MYT1L: variants seen among roughly 807,000 people sequenced by gnomAD.
MYT1L encodes myelin transcription factor 1-like protein.
Under a neutral mutation model 126.7 loss-of-function variants are expected in MYT1L, and 12 were observed. The observed-to-expected ratio is 0.09, with a 90% CI of 0.06 to 0.15. The LOEUF is 0.15. MYT1L is among the 10% of genes least tolerant of loss of function. MYT1L has a pLI of 1.00. For missense variants in MYT1L, 979 were observed against 1,585.2 expected, an observed-to-expected ratio of 0.62 and a Z score of 6.49; for synonymous variants, 541 against 604.2, an observed-to-expected ratio of 0.90 and a Z score of 1.53.
intron 5 of MYT1L, among the ~76,000 whole-genome samples, chr2:1,993,754 T>A (rs2061614414): frequency 1.3e-5 from 2 of 152,226 alleles, no homozygotes; most frequent in African/African-American, 4.8e-5. Context: ...CCCTTTTTAG[T>A]AACATGTGAT....
At chr2:1,934,854 T>G (rs2055631728) in intron 9 of MYT1L, among the ~76,000 whole-genome samples, 1 of 152,070 alleles carries the variant, frequency 6.6e-6, no homozygotes, top group South Asian at 2.1e-4. Flanking sequence ...TTGTCAGTGC[T>G]CGGAACCCGG....
At chr2:2,173,955 T>A (rs1158263739) in intron 2 of MYT1L, among the ~76,000 whole-genome samples, 1 of 152,146 alleles carries the variant, frequency 6.6e-6, no homozygotes, top group Non-Finnish European at 1.5e-5. Flanking sequence ...GAACTTGAAA[T>A]AAGATAACAC....
In MYT1L at chr2:2,159,271, A is replaced by G. The variant is rs17039357; in HGVS notation, c.-304+13601T>C. 8.0e-3 allele frequency among the ~76,000 whole-genome samples: 1,223 copies of G among 152,232 alleles called. 14 individuals are homozygous for G. Among genetic ancestry groups the G allele is most frequent in the African/African-American group, 0.028 (1,172 of 41,530 alleles). On this transcript the variant is annotated intron_variant, in intron 3 of 24. Coordinates refer to ENST00000647738, the MANE Select transcript of MYT1L (RefSeq NM_001303052.2). ...TTATTGAGTCCACATGGGAATCGCT[A>G]ACTTGGAAATGGGGTCAAGGGTCCA...
intron 3 of MYT1L, among the ~76,000 whole-genome samples, chr2:2,143,548 T>G (rs1236093906): frequency 6.6e-6 from 1 of 152,088 alleles, no homozygotes; most frequent in East Asian, 1.9e-4. Flanking sequence ...CACGTACCAC[T>G]GAGCCTTTGT....
At chr2:1,933,435 G>A (rs1573709034) in intron 9 of MYT1L, among the ~76,000 whole-genome samples, 1 of 152,200 alleles carries the variant, frequency 6.6e-6, no homozygotes, top group Non-Finnish European at 1.5e-5. Context: ...TTGGCTTCAA[G>A]TTGTTAATGT....
At chr2:2,183,771 G>T (rs551838502) in intron 2 of MYT1L, among the ~76,000 whole-genome samples, 1 of 148,300 alleles carries the variant, frequency 6.7e-6, no homozygotes, top group South Asian at 2.1e-4. Flanking sequence ...AGGAGGGAGA[G>T]GAAGGAAGGA....
rs918460009 is a variant in MYT1L, at chr2:1,991,973, C to T, written c.-1+5218G>A. On this transcript the variant is annotated intron_variant, in intron 5 of 24. Coordinates refer to ENST00000647738, the MANE Select transcript of MYT1L (RefSeq NM_001303052.2). ...CTCTCCTGCTCCACAAAGAAGGATTCGAACTGGCGTTTTCAGCCCTAACCT... is the reference window on the plus strand; with the variant it reads ...CTCTCCTGCTCCACAAAGAAGGATTTGAACTGGCGTTTTCAGCCCTAACCT... Among the ~76,000 whole-genome samples the T allele has an allele frequency of 5.3e-5, 8 of 152,158 alleles. No homozygotes were observed. In the South Asian group the frequency reaches 1.2e-3, roughly 24 times the overall value.
rs970472033 is a variant in MYT1L, at chr2:2,262,931, T to TATATATATATATATATATAA, written c.-421+21472_-421+21473insTTATATATATATATATATAT. On this transcript the variant is annotated intron_variant, in intron 2 of 24. Coordinates refer to ENST00000647738, the MANE Select transcript of MYT1L (RefSeq NM_001303052.2). ...AGAGGCACAAATATATATATATATA[T>TATATATATATATATATATAA]AACCTGTGATATATATATATATATC... Among the ~76,000 whole-genome samples, 26 of 43,650 alleles carry TATATATATATATATATATAA rather than the reference T, an allele frequency of 6.0e-4. 3 individuals are homozygous for TATATATATATATATATATAA. Among genetic ancestry groups the TATATATATATATATATATAA allele is most frequent in the African/African-American group, 2.5e-3 (25 of 9,812 alleles). 28.6% of individuals were successfully genotyped at this position (43,650 alleles called of 152,430 possible). A position where few individuals can be genotyped will look rare whatever the true frequency, so the allele number is the denominator to read the frequency against.
At chr2:1,872,470 G>C (rs2046392836) in intron 18 of MYT1L, among the ~76,000 whole-genome samples, 2 of 152,182 alleles carry the variant, frequency 1.3e-5, no homozygotes, top group African/African-American at 4.8e-5. Flanking sequence ...TTGTGGGCTG[G>C]TCAACATTTT....
At chr2:1,994,069 T>C (rs139490231) in intron 5 of MYT1L, among the ~76,000 whole-genome samples, 1 of 152,256 alleles carries the variant, frequency 6.6e-6, no homozygotes, top group Non-Finnish European at 1.5e-5. Context: ...ATTGTTTTGT[T>C]GTTTTTCTAT....
Position 2,169,878 on chromosome 2 carries a change from G to A in MYT1L, c.-304+2994C>T, listed in dbSNP as rs559310876. Among the ~76,000 whole-genome samples, 19 of 152,304 alleles carry A rather than the reference G, an allele frequency of 1.2e-4. No individual in the cohort carries two copies. In the South Asian group the frequency reaches 3.7e-3, roughly 30 times the overall value. On this transcript the variant is annotated intron_variant, in intron 3 of 24. Transcript: ENST00000647738. ...TCCAGGCGTGGAAACACCCCTTCCA[G>A]TTGGATTTAGTTTGGTTTCACATCC...
intron 8 of MYT1L, among the ~76,000 whole-genome samples, chr2:1,956,441 C>T (rs62649811): frequency 0.062 from 2,267 of 36,350 alleles, 223 homozygotes; most frequent in African/African-American, 0.21. Flanking sequence ...TATCTATCTA[C>T]CTATCATCTA....
intron 8 of MYT1L, among the ~76,000 whole-genome samples, chr2:1,950,201 C>T (rs1002378375): frequency 4.6e-5 from 7 of 151,962 alleles, no homozygotes; most frequent in Non-Finnish European, 4.4e-5. Context: ...TTGCAAACCC[C>T]TTCTCCATGT....
At chr2:1,989,370 C>T (rs1353212118) in intron 5 of MYT1L, among the ~76,000 whole-genome samples, 1 of 152,060 alleles carries the variant, frequency 6.6e-6, no homozygotes, top group African/African-American at 2.4e-5. Flanking sequence ...CTCTGCATGC[C>T]AGGAGAAACC....
In MYT1L at chr2:2,270,231, C is replaced by A. The variant is rs2095235365; in HGVS notation, c.-421+14173G>T. Among the ~76,000 whole-genome samples, 10 of 152,220 alleles carry A rather than the reference C, an allele frequency of 6.6e-5. No homozygotes were observed. In the South Asian group the frequency reaches 2.1e-3, roughly 31 times the overall value. On this transcript the variant is annotated intron_variant, in intron 2 of 24. Transcript: ENST00000647738. Reference sequence around the variant, plus strand: ...AGGCACCTTAGTCTGGACTTCGGAGCCTCCAGAACTATGAGAATTGATGCC... The same window carrying A: ...AGGCACCTTAGTCTGGACTTCGGAGACTCCAGAACTATGAGAATTGATGCC...
chr2:2,188,758 G>A (rs1369495641), intron 2 of MYT1L, among the ~76,000 whole-genome samples: 1 of 152,184 alleles, frequency 6.6e-6, no homozygotes, highest in Non-Finnish European at 1.5e-5. Context: ...AGGAGTTTAA[G>A]AAAATCAGAG....
In MYT1L at chr2:1,910,033, G is replaced by A. The variant is rs1178707983; in HGVS notation, c.1817+207C>T. Among the ~76,000 whole-genome samples, 1 of 152,156 alleles carries A rather than the reference G, an allele frequency of 6.6e-6. No individual in the cohort carries two copies. Among genetic ancestry groups the A allele is most frequent in the Non-Finnish European group, 1.5e-5 (1 of 68,034 alleles). On this transcript the variant is annotated intron_variant, in intron 13 of 24. Transcript: ENST00000647738. This position sits in a 1 kb window ranked among gnomAD's most constrained non-coding sequence, Gnocchi z 4.8. Reference sequence around the variant, plus strand: ...TCATGTAAATTGTCACAGCGAATCCGCAGACACCAGGGGAAGAATGACACC... The same window carrying A: ...TCATGTAAATTGTCACAGCGAATCCACAGACACCAGGGGAAGAATGACACC...
At chr2:1,857,647 A>AT (rs2044082634) in intron 18 of MYT1L, among the ~76,000 whole-genome samples, 1 of 152,218 alleles carries the variant, frequency 6.6e-6, no homozygotes. Flanking sequence ...TTAAAACAAA[A>AT]TAACAAAAAT....
At chr2:2,254,962 C>T (rs993242169) in intron 2 of MYT1L, among the ~76,000 whole-genome samples, 1 of 152,162 alleles carries the variant, frequency 6.6e-6, no homozygotes, top group Admixed American at 6.5e-5. Context: ...TTCTTTCCTA[C>T]ATAAATATTT....
Sources: gnomAD v4.1 joint callset for allele counts (sites outside exome capture counted in the v4.1 genomes callset) on GRCh38, gnomAD v4.1.1 for gene constraint, Gnocchi (gnomAD v3.1) non-coding constraint, MANE v1.5 for transcripts, NCBI Gene and HGNC (gene_info 2026-07-23, HGNC 2026-07-21) for gene names.